Variants in WDR3 observed in about 807,000 individuals in gnomAD.
WDR3 encodes WD repeat-containing protein 3.
In WDR3, 81 loss-of-function variants were observed where a neutral mutation model predicts 123.7. That is an observed-to-expected ratio of 0.65 (90% CI 0.55 to 0.79). The LOEUF is 0.79. WDR3 is among the 30% of genes least tolerant of loss of function. The probability of loss-of-function intolerance (pLI) is 0.00; values close to 1 mark genes in which losing one functional copy is unlikely to be tolerated. For synonymous variants in WDR3, 390 were observed against 388.8 expected (o/e 1.00, Z -0.04); for missense variants, 1,027 against 1,123.2 (o/e 0.91, Z 1.22).
At chr1:117,957,012 C>T (rs949756492) in intron 24 of WDR3, 56 bp from the exon 25 acceptor site, 2 of 1,411,168 alleles carry the variant, frequency 1.4e-6, no homozygotes, top group South Asian at 3.0e-5. Context: ...TAAAAATTGA[C>T]CATGTTAACA....
intron 3 of WDR3, among the ~76,000 whole-genome samples, chr1:117,936,519 G>A (rs953727941): frequency 1.3e-5 from 2 of 152,124 alleles, no homozygotes; most frequent in Non-Finnish European, 2.9e-5. Flanking sequence ...TGAATGGCAT[G>A]ATTTTAGTCT....
At position 117,940,867 on chromosome 1, in the gene WDR3, G is replaced by C; in HGVS notation, c.716G>C (p.Gly239Ala). 6.2e-7 allele frequency: 1 copy of C among 1,613,854 alleles called. No individual in the cohort carries two copies. Among genetic ancestry groups the C allele is most frequent in the Non-Finnish European group, 8.5e-7 (1 of 1,179,960 alleles). The change falls in exon 7 of 27, where the codon GGA (glycine) becomes GCA (alanine). Residue 239 changes from glycine to alanine, a missense_variant. Coordinates refer to ENST00000349139, the MANE Select transcript of WDR3 (RefSeq NM_006784.3). The stretch of plus-strand genomic sequence containing the variant: ...GAACCAGACCCCAAGAAAATCAAAG[G>C]ATCTTCTCCTGGAATACAAGATACT... The part of the protein sequence containing the change: ...PEEPDPKKIK[G>A]SSPGIQDTLE...
intron 19 of WDR3, 48 bp downstream of exon 19, chr1:117,952,710 G>C: frequency 6.3e-7 from 1 of 1,596,158 alleles, no homozygotes; most frequent in Non-Finnish European, 8.5e-7. Context: ...GTATCTGACA[G>C]GCTGTCCTAG....
At chr1:117,954,907 T>G (rs1651946025) in intron 23 of WDR3, among the ~76,000 whole-genome samples, 2 of 152,116 alleles carry the variant, frequency 1.3e-5, no homozygotes, top group Admixed American at 1.3e-4. Context: ...GAAGATTCTG[T>G]TAATCTAAAT....
chr1:117,942,835 T>A (rs187652560), intron 10 of WDR3, among the ~76,000 whole-genome samples: 1 of 148,682 alleles, frequency 6.7e-6, no homozygotes, highest in Non-Finnish European at 1.5e-5. Context: ...AGGTCACTTA[T>A]AAAGAATACA....
chr1:117,962,741 C>A lies in WDR3; in HGVS notation c.*3294C>A, dbSNP rs1445118525. The A allele has an allele frequency of 6.6e-6, 1 of 152,318 alleles. No individual in the cohort carries two copies. Among genetic ancestry groups the A allele is most frequent in the African/African-American group, 2.4e-5 (1 of 41,560 alleles). 9.4% of individuals were successfully genotyped at this position (152,318 alleles called of 1,614,324 possible). On this transcript the variant is annotated 3_prime_UTR_variant, in exon 27 of 27. Coordinates refer to ENST00000349139, the MANE Select transcript of WDR3 (RefSeq NM_006784.3). ...CAAATGTCATAAATTATATCTCATTCTAAAGATATCTAGCAAATCTCCAGC... is the reference window on the plus strand; with the variant it reads ...CAAATGTCATAAATTATATCTCATTATAAAGATATCTAGCAAATCTCCAGC...
intron 7 of WDR3, 69 bp downstream of exon 7, chr1:117,941,009 G>A: frequency 1.9e-6 from 3 of 1,571,214 alleles, no homozygotes; most frequent in Non-Finnish European, 2.6e-6. Context: ...CAGATTTTTA[G>A]GGAATCATCA....
Position 117,954,034 on chromosome 1 carries a change from T to C in WDR3, c.2296T>C (p.Leu766=). The C allele has an allele frequency of 1.2e-6, 2 of 1,612,206 alleles. No homozygotes were observed. The highest frequency in any genetic ancestry group is 8.5e-7 in the Non-Finnish European group (1 of 1,178,782). ...TGAGAGGATTATGGAGGCTATTGAG[T>C]TGTACCGAGAAGAAACTGCAAAAAT... is the stretch of plus-strand genomic sequence containing the variant. The part of the protein sequence containing the change: ...AAERIMEAIE[L]YREETAKMKE... The change falls in exon 22 of 27, where the codon TTG becomes CTG. Residue 766 remains leucine (L), a synonymous_variant. Coordinates refer to ENST00000349139, the MANE Select transcript of WDR3 (RefSeq NM_006784.3).
Position 117,934,642 on chromosome 1 carries a change from A to C in WDR3, c.341A>C (p.Lys114Thr). The change falls in exon 3 of 27, where the codon AAG (lysine) becomes ACG (threonine). Residue 114 changes from lysine to threonine, a missense_variant. Physicochemically the swap from Lys to Thr is moderately conservative, Grantham distance 78. Coordinates refer to ENST00000349139, the MANE Select transcript of WDR3 (RefSeq NM_006784.3). ...CACAAAGCAGCTATCACTACCTTGAAGTATGATCAGCTAGGAGGCAGACTG... is the reference window on the plus strand; with the variant it reads ...CACAAAGCAGCTATCACTACCTTGACGTATGATCAGCTAGGAGGCAGACTG... The part of the protein sequence containing the change: ...NGHKAAITTL[K>T]YDQLGGRLAS... 1 of 1,613,902 alleles carries C rather than the reference A, an allele frequency of 6.2e-7. No individual in the cohort carries two copies. The highest frequency in any genetic ancestry group is 2.2e-5 in the East Asian group (1 of 44,882).
chr1:117,953,887 C>G, intron 21 of WDR3, 120 bp from the exon 22 acceptor site: 1 of 822,782 alleles, frequency 1.2e-6, no homozygotes, highest in Non-Finnish European at 1.9e-6. Context: ...ATTCGCACGT[C>G]TTTATTAAAC....
At chr1:117,944,704 T>C in intron 11 of WDR3, among the ~76,000 whole-genome samples, 1 of 152,106 alleles carries the variant, frequency 6.6e-6, no homozygotes. Context: ...TTTTCTTTTA[T>C]TTATTTATTT....
chr1:117,962,062 C>T lies in WDR3; in HGVS notation c.*2615C>T, dbSNP rs1653170440. 1 of 151,386 alleles carries T rather than the reference C, an allele frequency of 6.6e-6. No individual in the cohort carries two copies. Among genetic ancestry groups the T allele is most frequent in the Non-Finnish European group, 1.5e-5 (1 of 67,908 alleles). 9.4% of individuals were successfully genotyped at this position (151,386 alleles called of 1,614,324 possible). A position where few individuals can be genotyped will look rare whatever the true frequency, so the allele number is the denominator to read the frequency against. ...AGGGCATTCGAGATGTATACATCAT[C>T]AATAATTACTCTTATGTTAAAAGTT... On this transcript the variant is annotated 3_prime_UTR_variant, in exon 27 of 27. Coordinates refer to ENST00000349139, the MANE Select transcript of WDR3 (RefSeq NM_006784.3).
intron 1 of WDR3, among the ~76,000 whole-genome samples, chr1:117,932,992 C>T (rs1037900672): frequency 3.0e-4 from 44 of 145,288 alleles, no homozygotes; most frequent in Admixed American, 1.4e-4. Flanking sequence ...GTGAGGCTTT[C>T]GAGACGAGCC....
intron 20 of WDR3, 63 bp from the exon 21 acceptor site, chr1:117,953,413 A>T: frequency 6.6e-7 from 1 of 1,512,878 alleles, no homozygotes; most frequent in East Asian, 2.3e-5. Flanking sequence ...TGTAAGATTA[A>T]TTTATCAGCT....
intron 19 of WDR3, 69 bp downstream of exon 19, chr1:117,952,731 C>G (rs1475224354): frequency 6.4e-7 from 1 of 1,571,134 alleles, no homozygotes; most frequent in African/African-American, 1.4e-5. Flanking sequence ...TTGAAGTTTT[C>G]TGTCTAGTGC....
chr1:117,938,824 A>G (rs944352518), intron 5 of WDR3, among the ~76,000 whole-genome samples: 1 of 152,176 alleles, frequency 6.6e-6, no homozygotes, highest in Non-Finnish European at 1.5e-5. Context: ...GTCCACTTTT[A>G]TGAATGTAGG....
intron 16 of WDR3, among the ~76,000 whole-genome samples, chr1:117,951,430 C>A (rs1219741960): frequency 1.3e-5 from 2 of 148,186 alleles, no homozygotes; most frequent in East Asian, 3.9e-4. Flanking sequence ...AAAGTCTATT[C>A]TGTGTGAAAG....
intron 4 of WDR3, among the ~76,000 whole-genome samples, chr1:117,937,786 G>T (rs576474481): frequency 6.6e-6 from 1 of 152,102 alleles, no homozygotes; most frequent in East Asian, 1.9e-4. Context: ...TTGAGCAGGA[G>T]TAGTAGAGGC....
In WDR3 at chr1:117,956,952, A is replaced by T; in HGVS notation, c.2454-116A>T. ...ACAGATGAATATTTAACTCTAGGCA[A>T]GATGTATCCAAGTATAAAATCAGTA... On this transcript the variant is annotated intron_variant, in intron 24 of 26. Transcript: ENST00000349139. The T allele has an allele frequency of 3.5e-6, 3 of 852,112 alleles. No homozygotes were observed. The South Asian group carries it at 7.1e-5, about 20-fold the overall frequency. 52.8% of individuals were successfully genotyped at this position (852,112 alleles called of 1,614,324 possible).
Sources: gnomAD v4.1 joint callset for allele counts (sites outside exome capture counted in the v4.1 genomes callset) on GRCh38, gnomAD v4.1.1 for gene constraint, MANE v1.5 for transcripts, NCBI Gene and HGNC (gene_info 2026-07-23, HGNC 2026-07-21) for gene names.